The following LAMP3 variants were observed in gnomAD, a reference collection of about 807,000 sequenced individuals.
LAMP3 encodes lysosome-associated membrane glycoprotein 3.
LAMP3 carries 26 observed loss-of-function variants against 34.8 expected under a neutral mutation model. That is an observed-to-expected ratio of 0.75 (90% CI 0.55 to 1.04). The LOEUF (loss-of-function observed/expected upper bound fraction) is 1.04. Among genes scored for constraint, LAMP3 ranks in the 50% least tolerant of loss-of-function variants. The probability of loss-of-function intolerance (pLI) is 0.00; values close to 1 mark genes in which losing one functional copy is unlikely to be tolerated. For synonymous variants in LAMP3, 180 were observed against 201.9 expected (o/e 0.89, Z 0.92); for missense variants, 495 against 524.0 (o/e 0.94, Z 0.54).
At chr3:183,161,993 G>A (rs1233070073) in intron 1 of LAMP3, 89 of 985,098 alleles carry the variant, frequency 9.0e-5, no homozygotes, top group Non-Finnish European at 1.1e-4. Flanking sequence ...CATGTTAGCC[G>A]GGCGGTAGGG....
chr3:183,140,055 G>A (rs1169498331), intron 4 of LAMP3, among the ~76,000 whole-genome samples: 2 of 152,138 alleles, frequency 1.3e-5, no homozygotes, highest in African/African-American at 4.8e-5. Flanking sequence ...ACAGCACACA[G>A]AGGCGTAGTA....
In LAMP3 at chr3:183,144,493, T is replaced by C. The variant is rs150282862; in HGVS notation, c.889-3898A>G. On this transcript the variant is annotated intron_variant, in intron 3 of 5. Transcript: ENST00000265598. ...ACAGGGTGATGATATTTGAGTTATT[T>C]TAAGGATGGATGCTAAAGGAGCTGA... Among the ~76,000 whole-genome samples the C allele has an allele frequency of 1.9e-3, 282 of 152,138 alleles. 1 individual carries two copies. The highest frequency in any genetic ancestry group is 6.7e-3 in the African/African-American group (276 of 41,498).
At chr3:183,128,078 G>A (rs1719826866) in intron 5 of LAMP3, among the ~76,000 whole-genome samples, 1 of 151,614 alleles carries the variant, frequency 6.6e-6, no homozygotes. Flanking sequence ...AACCTGGGAG[G>A]CGGAGCTTGC....
intron 1 of LAMP3, 46 bp downstream of exon 1, chr3:183,162,561 G>T: frequency 1.3e-6 from 2 of 1,537,034 alleles, no homozygotes; most frequent in South Asian, 1.2e-5. Context: ...GATGAAAGGG[G>T]ACCGACACGT....
chr3:183,152,226 T>C, intron 3 of LAMP3, 149 bp downstream of exon 3: 2 of 859,870 alleles, frequency 2.3e-6, no homozygotes, highest in Non-Finnish European at 3.5e-6. Flanking sequence ...ACATAAGATG[T>C]TGACACTTCC....
At chr3:183,161,942 A>T (rs1193199425) in intron 1 of LAMP3, 3 of 985,152 alleles carry the variant, frequency 3.0e-6, no homozygotes, top group Admixed American at 6.1e-5. Context: ...CATTCCTAGC[A>T]TTCATGTTAC....
intron 5 of LAMP3, among the ~76,000 whole-genome samples, chr3:183,133,947 T>G (rs1251779700): frequency 1.3e-5 from 2 of 152,148 alleles, no homozygotes; most frequent in African/African-American, 4.8e-5. Flanking sequence ...TAGTCCACCC[T>G]CTCATCACCA....
intron 5 of LAMP3, among the ~76,000 whole-genome samples, chr3:183,128,683 A>G (rs1719841684): frequency 6.6e-6 from 1 of 152,168 alleles, no homozygotes; most frequent in Non-Finnish European, 1.5e-5. Context: ...TTGGGACTAC[A>G]GTCATGTGCC....
At chr3:183,125,823 G>A (rs991876338) in intron 5 of LAMP3, among the ~76,000 whole-genome samples, 2 of 152,110 alleles carry the variant, frequency 1.3e-5, no homozygotes, top group African/African-American at 2.4e-5. Context: ...GACTAGGGGT[G>A]TGTGCTACCA....
chr3:183,138,118 C>T (rs545605448), intron 4 of LAMP3, among the ~76,000 whole-genome samples: 23 of 152,134 alleles, frequency 1.5e-4, no homozygotes, highest in African/African-American at 4.1e-4. Flanking sequence ...CCACTGCACC[C>T]GGACTCCCCT....
intron 4 of LAMP3, among the ~76,000 whole-genome samples, chr3:183,138,160 C>T (rs1560307042): frequency 6.6e-6 from 1 of 152,034 alleles, no homozygotes; most frequent in Admixed American, 6.6e-5. Context: ...CTATTGCTGG[C>T]TAAAATCTGG....
At chr3:183,132,828 C>T (rs1243126588) in intron 5 of LAMP3, 2 of 985,334 alleles carry the variant, frequency 2.0e-6, no homozygotes, top group Non-Finnish European at 2.4e-6. Context: ...TACATGCGTT[C>T]ATATCCTCTA....
At chr3:183,126,405 T>C (rs143626989) in intron 5 of LAMP3, among the ~76,000 whole-genome samples, 10 of 152,288 alleles carry the variant, frequency 6.6e-5, no homozygotes, top group African/African-American at 1.2e-4. Context: ...TTAAATTATT[T>C]AACATTGTTT....
intron 4 of LAMP3, among the ~76,000 whole-genome samples, chr3:183,140,178 G>T (rs1167461683): frequency 6.6e-6 from 1 of 152,018 alleles, no homozygotes; most frequent in Non-Finnish European, 1.5e-5. Flanking sequence ...AGACTGAGGT[G>T]GGTGGATCGC....
intron 3 of LAMP3, among the ~76,000 whole-genome samples, chr3:183,145,883 T>C (rs1720425546): frequency 6.6e-6 from 1 of 152,046 alleles, no homozygotes; most frequent in Non-Finnish European, 1.5e-5. Context: ...AACAAAACCC[T>C]ACAGATTGAA....
In LAMP3 at chr3:183,123,961, G is replaced by A. The variant is rs948609801; in HGVS notation, c.*120C>T. The A allele has an allele frequency of 5.3e-5, 54 of 1,013,782 alleles. No individual in the cohort carries two copies. The African/African-American group carries it at 7.5e-4, about 14-fold the overall frequency. The allele number at this position is 1,013,782 out of a possible 1,614,324, so 62.8% of individuals were successfully genotyped here. On this transcript the variant is annotated 3_prime_UTR_variant, in exon 6 of 6. Transcript: ENST00000265598. ...ACACATGACTCACTTCATTTGAATA[G>A]AAGATGGTGGTTTACATTGTTTGAA...
chr3:183,136,676 C>G (rs1056930998), intron 4 of LAMP3, among the ~76,000 whole-genome samples: 4 of 68,988 alleles, frequency 5.8e-5, no homozygotes, highest in African/African-American at 1.0e-4. Context: ...AAAAACAACT[C>G]ATTAGGAGGG....
intron 4 of LAMP3, among the ~76,000 whole-genome samples, chr3:183,139,663 C>T (rs953396881): frequency 6.6e-6 from 1 of 152,194 alleles, no homozygotes; most frequent in Non-Finnish European, 1.5e-5. Flanking sequence ...CATGTGAGCT[C>T]TCTCTCTCAG....
intron 5 of LAMP3, among the ~76,000 whole-genome samples, chr3:183,131,658 T>C (rs372918511): frequency 6.6e-6 from 1 of 152,198 alleles, no homozygotes; most frequent in Non-Finnish European, 1.5e-5. Context: ...AAATGCCTCC[T>C]GGGAGAGTCA....
Sources: gnomAD v4.1 joint callset for allele counts (sites outside exome capture counted in the v4.1 genomes callset) on GRCh38, gnomAD v4.1.1 for gene constraint, MANE v1.5 for transcripts, NCBI Gene and HGNC (gene_info 2026-07-23, HGNC 2026-07-21) for gene names.